PDE1C: variants seen among roughly 807,000 people sequenced by gnomAD.
PDE1C encodes phosphodiesterase 1C, also known as dual specificity calcium/calmodulin-dependent 3',5'-cyclic nucleotide phosphodiesterase 1C.
Under a neutral mutation model 93.1 loss-of-function variants are expected in PDE1C, and 62 were observed. That is an observed-to-expected ratio of 0.67 (90% confidence interval 0.54 to 0.82). PDE1C has a LOEUF of 0.82. Among genes scored for constraint, PDE1C ranks in the 40% least tolerant of loss-of-function variants. The pLI, the probability that PDE1C is intolerant of heterozygous loss-of-function variation, is 0.00. For missense variants in PDE1C, 742 were observed against 884.6 expected (o/e 0.84, Z 2.04); for synonymous variants, 325 against 310.1 (o/e 1.05, Z -0.50).
chr7:32,145,802 A>C (rs1157484736), intron 3 of PDE1C, among the ~76,000 whole-genome samples: 4 of 152,132 alleles, frequency 2.6e-5, no homozygotes, highest in Non-Finnish European at 5.9e-5. Context: ...GACTGAATGA[A>C]TTGCCCCAAT....
intron 2 of PDE1C, among the ~76,000 whole-genome samples, chr7:31,901,985 A>C (rs555815075): frequency 1.1e-3 from 165 of 150,938 alleles, no homozygotes; most frequent in African/African-American, 3.8e-3. Context: ...AAAGATTTAA[A>C]TGTAGAAAAG....
At chr7:31,946,415 G>T (rs1278815155) in intron 2 of PDE1C, among the ~76,000 whole-genome samples, 3 of 152,112 alleles carry the variant, frequency 2.0e-5, no homozygotes, top group African/African-American at 7.2e-5. Context: ...GGAATCCAGG[G>T]CTCAGGGCAT....
intron 1 of PDE1C, among the ~76,000 whole-genome samples, chr7:32,344,416 T>C (rs1783813133): frequency 6.6e-6 from 1 of 152,202 alleles, no homozygotes; most frequent in South Asian, 2.1e-4. Flanking sequence ...AACAATGGTT[T>C]ACGGGGTACA....
At chr7:32,126,594 A>T (rs1445353243) in intron 3 of PDE1C, among the ~76,000 whole-genome samples, 4 of 152,218 alleles carry the variant, frequency 2.6e-5, no homozygotes, top group African/African-American at 9.6e-5. Flanking sequence ...CATAACTCAG[A>T]AAAGGAGTAT....
chr7:31,665,870 G>T, the PDE1C span, among the ~76,000 whole-genome samples: 1 of 152,216 alleles, frequency 6.6e-6, no homozygotes, highest in Non-Finnish European at 1.5e-5. Flanking sequence ...ATTAGGAAAA[G>T]TTGATGTTGA....
intron 16 of PDE1C, among the ~76,000 whole-genome samples, chr7:31,790,813 A>G (rs908306080): frequency 3.9e-5 from 6 of 152,126 alleles, no homozygotes; most frequent in African/African-American, 1.4e-4. Context: ...GAGGAAGACG[A>G]CAAAGATGGA....
At chr7:31,638,778 C>T in the PDE1C span, among the ~76,000 whole-genome samples, 3 of 151,800 alleles carry the variant, frequency 2.0e-5, no homozygotes, top group East Asian at 3.9e-4. Context: ...TTTTGTTTTT[C>T]GTTTGTTTGT....
rs183315979 is a variant in PDE1C, at chr7:32,179,562, C to T, written c.137-9606G>A. Among the ~76,000 whole-genome samples, 25 of 152,250 alleles carry T rather than the reference C, an allele frequency of 1.6e-4. 1 individual carries two copies. The highest frequency in any genetic ancestry group is 1.4e-3 in the Admixed American group (21 of 15,284). On this transcript the variant is annotated intron_variant, in intron 2 of 18. Transcript: ENST00000396193. ...GCCTGACTTACTGTCTTGCATGCAG[C>T]AGTTTGCAGCTTCCTTTAACAAAGG...
chr7:32,378,792 A>G (rs959800675), intron 1 of PDE1C, among the ~76,000 whole-genome samples: 1 of 151,806 alleles, frequency 6.6e-6, no homozygotes, highest in African/African-American at 2.4e-5. Context: ...AGCCACCTAC[A>G]CCCCTTCCCC....
chr7:32,250,026 T>C (rs1484196098), intron 1 of PDE1C, among the ~76,000 whole-genome samples: 1 of 152,210 alleles, frequency 6.6e-6, no homozygotes, highest in African/African-American at 2.4e-5. Context: ...CTAAGTCAAA[T>C]GTGCACAGGC....
At chr7:32,329,958 C>G (rs374192384) in intron 1 of PDE1C, among the ~76,000 whole-genome samples, 10 of 152,354 alleles carry the variant, frequency 6.6e-5, no homozygotes, top group Admixed American at 3.3e-4. Context: ...TTTGTCTCCC[C>G]ATCAGGGATG....
chr7:32,306,174 A>T (rs1812997943), intron 1 of PDE1C, among the ~76,000 whole-genome samples: 1 of 152,160 alleles, frequency 6.6e-6, no homozygotes, highest in South Asian at 2.1e-4. Context: ...GCCATGTGGA[A>T]ATGTGTGTCC....
rs770865024 is a variant in PDE1C, at chr7:31,848,111, A to G, written c.852-15T>C. ...CTGGATCAGACCTGAACAGAAAGCC[A>G]AGCAAAATTCAGAATGTTAAACAGT... On this transcript the variant is annotated splice_polypyrimidine_tract_variant and intron_variant, in intron 8 of 17. Transcript: ENST00000396191. 1.9e-6 allele frequency: 3 copies of G among 1,610,816 alleles called. No homozygotes were observed. The highest frequency in any genetic ancestry group is 4.5e-5 in the East Asian group (2 of 44,734).
intron 3 of PDE1C, among the ~76,000 whole-genome samples, chr7:32,077,076 C>T (rs1413275098): frequency 6.6e-6 from 1 of 152,058 alleles, no homozygotes; most frequent in Admixed American, 6.6e-5. Flanking sequence ...CCAATCTCTA[C>T]TAAAAACACA....
intron 1 of PDE1C, among the ~76,000 whole-genome samples, chr7:32,372,398 A>C (rs915261063): frequency 2.0e-5 from 3 of 152,186 alleles, no homozygotes; most frequent in African/African-American, 7.2e-5. Flanking sequence ...GGGAAAGAAT[A>C]AGATTTTTCA....
chr7:31,687,259 A>G, the PDE1C span: 5 of 152,460 alleles, frequency 3.3e-5, no homozygotes, highest in African/African-American at 1.2e-4. Flanking sequence ...GTGAGCACAC[A>G]CGCCCTCCCT....
chr7:31,952,340 C>A (rs781141427), intron 2 of PDE1C, among the ~76,000 whole-genome samples: 59 of 152,088 alleles, frequency 3.9e-4, no homozygotes, highest in Middle Eastern at 3.4e-3. Context: ...ACCTCTGTCT[C>A]CTGGGTTCAA....
At chr7:31,843,162 G>T (rs1057405088) in intron 9 of PDE1C, among the ~76,000 whole-genome samples, 13 of 152,012 alleles carry the variant, frequency 8.6e-5, no homozygotes, top group African/African-American at 3.1e-4. Flanking sequence ...TACTTGAAAA[G>T]AATATGTATA....
At chr7:32,142,381 C>G (rs1800590854) in intron 3 of PDE1C, among the ~76,000 whole-genome samples, 1 of 152,076 alleles carries the variant, frequency 6.6e-6, no homozygotes, top group African/African-American at 2.4e-5. Flanking sequence ...TGTCAATTTC[C>G]CTGCAGCCTG....
Sources: allele counts gnomAD v4.1 joint callset (sites outside exome capture counted in the v4.1 genomes callset), GRCh38; gene constraint gnomAD v4.1.1; transcripts MANE v1.5; gene names NCBI Gene and HGNC (gene_info 2026-07-23, HGNC 2026-07-21).